The following RFT1 variants were observed in gnomAD, a reference collection of about 807,000 sequenced individuals.
RFT1 encodes the protein man(5)GlcNAc(2)-PP-dolichol translocation protein RFT1.
A neutral mutation model predicts 62.2 loss-of-function variants in RFT1; 43 were observed. That is an observed-to-expected ratio of 0.69 (90% CI 0.54 to 0.89). The LOEUF (loss-of-function observed/expected upper bound fraction) is 0.89, where lower values mean the gene tolerates loss of function less well. Ranked by LOEUF, RFT1 falls within the 40% of genes least tolerant of loss-of-function variation. The pLI, the probability that RFT1 is intolerant of heterozygous loss-of-function variation, is 0.00. For synonymous variants in RFT1, 262 were observed against 264.6 expected (o/e 0.99, Z 0.10); for missense variants, 605 against 649.9 (o/e 0.93, Z 0.75).
chr3:53,105,850 T>A (rs759774032), intron 8 of RFT1, 47 bp from the exon 9 acceptor site: 8 of 1,546,508 alleles, frequency 5.2e-6, no homozygotes, highest in Non-Finnish European at 7.1e-6. Flanking sequence ...GTTTTTCTAT[T>A]TTAATTTTTA....
At chr3:53,072,822 A>G in the RFT1 span, among the ~76,000 whole-genome samples, 6 of 152,180 alleles carry the variant, frequency 3.9e-5, no homozygotes, top group African/African-American at 1.4e-4. Context: ...TGGAGGAAAC[A>G]CACAGGAGGG....
rs1238913503 is a variant in RFT1, at chr3:53,090,049, G to A, written c.*1854C>T. ...CCAACCTTGGTGGCATCAAAGCCAC[G>A]TGGGCTTGCCAGAAAAGCCAATCTC... On this transcript the variant is annotated 3_prime_UTR_variant, in exon 13 of 13. Transcript: ENST00000296292. 2 of 152,782 alleles carry A rather than the reference G, an allele frequency of 1.3e-5. No homozygotes were observed. Among genetic ancestry groups the A allele is most frequent in the African/African-American group, 4.8e-5 (2 of 41,476 alleles). 9.5% of individuals were successfully genotyped at this position (152,782 alleles called of 1,614,324 possible). A position where few individuals can be genotyped will look rare whatever the true frequency, so the allele number is the denominator to read the frequency against.
At chr3:53,094,577 A>T (rs1052793802) in intron 11 of RFT1, among the ~76,000 whole-genome samples, 1 of 152,036 alleles carries the variant, frequency 6.6e-6, no homozygotes, top group Admixed American at 6.5e-5. Flanking sequence ...AGCCACTCAA[A>T]TGGGACCCAT....
the RFT1 span, among the ~76,000 whole-genome samples, chr3:53,069,713 C>G: frequency 6.6e-6 from 1 of 152,142 alleles, no homozygotes; most frequent in African/African-American, 2.4e-5. Flanking sequence ...TAGCCCCTGC[C>G]CCCCAGCTCA....
intron 7 of RFT1, among the ~76,000 whole-genome samples, chr3:53,107,723 G>A (rs1325704638): frequency 3.3e-5 from 5 of 151,728 alleles, no homozygotes; most frequent in Non-Finnish European, 7.4e-5. Context: ...ACCAGCCAGG[G>A]CCCCCATCCC....
At chr3:53,098,594 A>C (rs1320117982) in intron 11 of RFT1, among the ~76,000 whole-genome samples, 1 of 152,122 alleles carries the variant, frequency 6.6e-6, no homozygotes, top group Non-Finnish European at 1.5e-5. Flanking sequence ...CAAGGTCAGG[A>C]GATCGAGACC....
the RFT1 span, among the ~76,000 whole-genome samples, chr3:53,073,658 A>G: frequency 6.6e-6 from 1 of 152,182 alleles, no homozygotes; most frequent in Non-Finnish European, 1.5e-5. Flanking sequence ...TGCCGGGCGA[A>G]GAGGATTTGG....
chr3:53,123,633 A>G, intron 3 of RFT1, 91 bp downstream of exon 3: 1 of 990,938 alleles, frequency 1.0e-6, no homozygotes, highest in East Asian at 2.4e-5. Flanking sequence ...ATCTGGGGGC[A>G]ATTCAGCTTT....
At chr3:53,082,709 T>G in the RFT1 span, among the ~76,000 whole-genome samples, 4 of 151,566 alleles carry the variant, frequency 2.6e-5, no homozygotes, top group African/African-American at 4.9e-5. Context: ...AAAATGTGTC[T>G]CCCCACAAAC....
At chr3:53,099,136 T>C (rs1349974126) in intron 11 of RFT1, among the ~76,000 whole-genome samples, 2 of 152,134 alleles carry the variant, frequency 1.3e-5, no homozygotes, top group Admixed American at 6.5e-5. Flanking sequence ...TCAGAGCCGA[T>C]GTTTCTTCCT....
chr3:53,089,201 G>C lies in RFT1; in HGVS notation c.*2702C>G, dbSNP rs1423897004. The C allele has an allele frequency of 6.6e-6, 1 of 152,368 alleles. No homozygotes were observed. The highest frequency in any genetic ancestry group is 2.4e-5 in the African/African-American group (1 of 41,440). 9.4% of individuals were successfully genotyped at this position (152,368 alleles called of 1,614,324 possible). A position where few individuals can be genotyped will look rare whatever the true frequency, so the allele number is the denominator to read the frequency against. On this transcript the variant is annotated 3_prime_UTR_variant, in exon 13 of 13. Coordinates refer to ENST00000296292, the MANE Select transcript of RFT1 (RefSeq NM_052859.4). ...CTTGAATCAGGTTGGGAAGTGGCTGGGAACAGGGCAGAGTAGCGGTTCCAG... is the reference window on the plus strand; with the variant it reads ...CTTGAATCAGGTTGGGAAGTGGCTGCGAACAGGGCAGAGTAGCGGTTCCAG...
rs372235619 is a variant in RFT1 at position 53,091,930 on chromosome 3, C to T, written c.1599G>A (p.Val533=). The T allele has an allele frequency of 1.5e-5, 24 of 1,614,128 alleles. No homozygotes were observed. The African/African-American group carries it at 2.0e-4, about 13-fold the overall frequency. Residue 533 remains valine, a synonymous_variant, in exon 13 of 13, where the codon GTG becomes GTA. Transcript: ENST00000296292. ...ATGTCATTTTGTCAGTGCGTCTGGG[C>T]ACACCTAACTGAGTCCTGAGGAAAT... ...LIHFLRTQLG[V]PRRTDKMT is the part of the protein sequence containing the mutation.
chr3:53,099,715 G>A (rs780693778), intron 10 of RFT1, among the ~76,000 whole-genome samples: 19 of 152,186 alleles, frequency 1.2e-4, no homozygotes, highest in Admixed American at 2.6e-4. Flanking sequence ...GGCTGGGCAC[G>A]GTGGCTCACA....
the RFT1 span, among the ~76,000 whole-genome samples, chr3:53,075,000 C>A: frequency 6.6e-6 from 1 of 152,164 alleles, no homozygotes; most frequent in African/African-American, 2.4e-5. Context: ...CCGAGTCAAC[C>A]CTTTATATAA....
downstream of RFT1, among the ~76,000 whole-genome samples, chr3:53,084,439 C>T (rs756137787): frequency 1.4e-4 from 22 of 152,320 alleles, no homozygotes; most frequent in Non-Finnish European, 2.5e-4. Flanking sequence ...CACATGGCCA[C>T]GTGGAAGCCG....
chr3:53,067,873 C>T, the RFT1 span, among the ~76,000 whole-genome samples: 1 of 152,198 alleles, frequency 6.6e-6, no homozygotes, highest in African/African-American at 2.4e-5. Context: ...ATGTAAATGG[C>T]AGTTTACAGC....
rs1055164343 is a variant in RFT1, at chr3:53,089,180, A to T, written c.*2723T>A. Reference sequence around the variant, plus strand: ...CAGGAGGAAGGAGGGGCCCTGCTTGAATCAGGTTGGGAAGTGGCTGGGAAC... The same window carrying T: ...CAGGAGGAAGGAGGGGCCCTGCTTGTATCAGGTTGGGAAGTGGCTGGGAAC... On this transcript the variant is annotated 3_prime_UTR_variant, in exon 13 of 13. Coordinates refer to ENST00000296292, the MANE Select transcript of RFT1 (RefSeq NM_052859.4). 1 of 152,418 alleles carries T rather than the reference A, an allele frequency of 6.6e-6. No individual in the cohort carries two copies. Among genetic ancestry groups the T allele is most frequent in the African/African-American group, 2.4e-5 (1 of 41,452 alleles). The allele number at this position is 152,418 out of a possible 1,614,324, so 9.4% of individuals were successfully genotyped here. A position where few individuals can be genotyped will look rare whatever the true frequency, so the allele number is the denominator to read the frequency against.
chr3:53,108,254 G>A (rs1028627060), intron 7 of RFT1, among the ~76,000 whole-genome samples: 1 of 151,224 alleles, frequency 6.6e-6, no homozygotes, highest in African/African-American at 2.4e-5. Flanking sequence ...GTTTCACCAT[G>A]TTGGCCAGGC....
At chr3:53,114,615 G>T (rs957104477) in intron 6 of RFT1, among the ~76,000 whole-genome samples, 7 of 152,144 alleles carry the variant, frequency 4.6e-5, no homozygotes, top group African/African-American at 1.7e-4. Context: ...CAGAATGGAG[G>T]TGTCACTTGG....
Sources: gnomAD v4.1 joint callset for allele counts (sites outside exome capture counted in the v4.1 genomes callset) on GRCh38, gnomAD v4.1.1 for gene constraint, MANE v1.5 for transcripts, NCBI Gene and HGNC (gene_info 2026-07-23, HGNC 2026-07-21) for gene names.